The following TRMT11 variants were observed in gnomAD, a reference collection of about 807,000 sequenced individuals.
TRMT11 encodes tRNA (guanine(10)-N(2))-methyltransferase TRMT11.
Under a neutral mutation model 62.8 loss-of-function variants are expected in TRMT11, and 53 were observed. The ratio of observed to expected loss-of-function variants is 0.84; its 90% CI spans 0.68 to 1.06. TRMT11 has a LOEUF of 1.06. Among genes scored for constraint, TRMT11 ranks in the 50% least tolerant of loss-of-function variants. TRMT11 has a pLI of 0.00. For synonymous variants in TRMT11, 188 were observed against 190.3 expected, an observed-to-expected ratio of 0.99 and a Z score of 0.10; for missense variants, 556 against 553.4, an observed-to-expected ratio of 1.00 and a Z score of -0.05.
chr6:126,255,552 C>G, the TRMT11 span, among the ~76,000 whole-genome samples: 1 of 152,170 alleles, frequency 6.6e-6, no homozygotes, highest in Non-Finnish European at 1.5e-5. Context: ...ATATCAAATG[C>G]TCTTGCTTTC....
intron 1 of TRMT11, among the ~76,000 whole-genome samples, chr6:125,987,496 T>C (rs1789852248): frequency 6.6e-6 from 1 of 152,126 alleles, no homozygotes; most frequent in African/African-American, 2.4e-5. Context: ...AAGGGGGATT[T>C]ATTGAAAAGC....
At chr6:126,187,809 G>A (rs1778543224) in intron 1 of TRMT11, among the ~76,000 whole-genome samples, 1 of 151,656 alleles carries the variant, frequency 6.6e-6, no homozygotes, top group South Asian at 2.1e-4. Flanking sequence ...CTCAGAAATA[G>A]ACTCATGTAT....
intron 17 of TRMT11, among the ~76,000 whole-genome samples, chr6:126,062,874 A>C (rs1285294913): frequency 6.6e-6 from 1 of 152,248 alleles, no homozygotes; most frequent in Admixed American, 6.5e-5. Context: ...CCTCAAGAAC[A>C]ACTAACATAT....
intron 1 of TRMT11, among the ~76,000 whole-genome samples, chr6:126,183,295 G>T (rs1376903533): frequency 6.6e-6 from 1 of 152,070 alleles, no homozygotes; most frequent in Non-Finnish European, 1.5e-5. Flanking sequence ...GACTTTTTAT[G>T]AGCCGAGTCT....
the TRMT11 span, among the ~76,000 whole-genome samples, chr6:126,231,372 A>C: frequency 6.6e-6 from 1 of 152,208 alleles, no homozygotes; most frequent in Non-Finnish European, 1.5e-5. Flanking sequence ...TTTGAAAAAA[A>C]CTTGCAGACA....
chr6:126,088,886 T>C (rs1345142804), intron 17 of TRMT11, among the ~76,000 whole-genome samples: 2 of 152,212 alleles, frequency 1.3e-5, no homozygotes, highest in Non-Finnish European at 2.9e-5. Context: ...ACTGTTTTCA[T>C]CTGAAACCTA....
Position 125,987,353 on chromosome 6 carries a change from A to T in TRMT11, c.72+731A>T, listed in dbSNP as rs114974672. ...GAATAGGAGTTAGAGGGCCAAGGAG[A>T]TAAATCAGTAAATTAGAATTACAAG... On this transcript the variant is annotated intron_variant, in intron 1 of 12. Transcript: ENST00000334379. 1.3e-3 allele frequency among the ~76,000 whole-genome samples: 196 copies of T among 152,256 alleles called. 1 individual carries two copies. The highest frequency in any genetic ancestry group is 4.6e-3 in the African/African-American group (189 of 41,536).
At chr6:126,134,853 A>G (rs1435143676) in intron 21 of TRMT11, among the ~76,000 whole-genome samples, 1 of 151,892 alleles carries the variant, frequency 6.6e-6, no homozygotes, top group Non-Finnish European at 1.5e-5. Context: ...TTCAGAAACC[A>G]TACAAATACA....
chr6:126,086,980 T>C (rs1046843677), intron 17 of TRMT11, among the ~76,000 whole-genome samples: 1 of 152,196 alleles, frequency 6.6e-6, no homozygotes, highest in Admixed American at 6.5e-5. Flanking sequence ...TTTATATTTT[T>C]CTACTGCTTT....
chr6:126,176,809 A>G (rs932060540), upstream of TRMT11, among the ~76,000 whole-genome samples: 7 of 152,130 alleles, frequency 4.6e-5, no homozygotes, highest in African/African-American at 1.7e-4. Flanking sequence ...CTTCTTTTTA[A>G]TTGTTTACTC....
rs932185345 is a variant in TRMT11, at chr6:126,163,699, G to A, written c.*1824-11126G>A. Among the ~76,000 whole-genome samples the A allele has an allele frequency of 4.6e-5, 7 of 152,226 alleles. No individual in the cohort carries two copies. The East Asian group carries it at 9.6e-4, about 21-fold the overall frequency. On this transcript the variant is annotated intron_variant and NMD_transcript_variant, in intron 21 of 22. Transcript: ENST00000648977. The stretch of plus-strand genomic sequence containing the variant: ...TCTGGTCCTGGGCTTTTTTTGGTTG[G>A]TAGGTTATTAATTACTCCCTCAATT...
At chr6:125,990,054 T>C (rs1297568972) in intron 1 of TRMT11, among the ~76,000 whole-genome samples, 2 of 152,222 alleles carry the variant, frequency 1.3e-5, no homozygotes, top group Non-Finnish European at 2.9e-5. Context: ...CTGTAGTTTT[T>C]CCTCCTCTGC....
intron 1 of TRMT11, among the ~76,000 whole-genome samples, chr6:126,182,331 G>T (rs1402421112): frequency 1.3e-5 from 2 of 151,856 alleles, no homozygotes; most frequent in Non-Finnish European, 2.9e-5. Context: ...AAGGGAGTTT[G>T]TCTGTGAATA....
chr6:126,096,951 C>G (rs1442645272), intron 17 of TRMT11, among the ~76,000 whole-genome samples: 2 of 152,298 alleles, frequency 1.3e-5, no homozygotes, highest in African/African-American at 4.8e-5. Context: ...CAGTGAGTCA[C>G]TACTGCAGAT....
At chr6:126,190,490 C>T (rs961789447) in intron 1 of TRMT11, among the ~76,000 whole-genome samples, 1 of 152,150 alleles carries the variant, frequency 6.6e-6, no homozygotes, top group African/African-American at 2.4e-5. Context: ...TGAGGCCTCC[C>T]ATCCATGCTT....
At chr6:126,045,960 GAT>G (rs1776045787) in intron 16 of TRMT11, among the ~76,000 whole-genome samples, 1 of 151,984 alleles carries the variant, frequency 6.6e-6, no homozygotes, top group African/African-American at 2.4e-5. Flanking sequence ...GCATCTCAGG[GAT>G]ATATCCCTGA....
chr6:126,067,010 A>G (rs980808708), intron 17 of TRMT11, among the ~76,000 whole-genome samples: 7 of 152,030 alleles, frequency 4.6e-5, no homozygotes, highest in Admixed American at 4.6e-4. Context: ...CAGGCGGATC[A>G]TGAGGTCAGG....
chr6:126,235,895 G>C, the TRMT11 span, among the ~76,000 whole-genome samples: 1 of 152,194 alleles, frequency 6.6e-6, no homozygotes, highest in Admixed American at 6.6e-5. Context: ...AAATATGTTT[G>C]ACAGTTGAGT....
chr6:125,993,693 CCCTT>C, intron 1 of TRMT11, 60 bp from the exon 2 acceptor site: 1 of 1,055,430 alleles, frequency 9.5e-7, no homozygotes, highest in South Asian at 1.3e-5. Context: ...ATACCTGTCT[CCCTT>C]AGTACATTTT....
Sources: allele counts gnomAD v4.1 joint callset (sites outside exome capture counted in the v4.1 genomes callset), GRCh38; gene constraint gnomAD v4.1.1; transcripts MANE v1.5; gene names NCBI Gene and HGNC (gene_info 2026-07-23, HGNC 2026-07-21).